Variants in LAMA2 observed in about 807,000 individuals in gnomAD.
LAMA2 encodes the protein laminin subunit alpha 2, also known as laminin subunit alpha-2.
LAMA2 carries 269 observed loss-of-function variants against 364.8 expected under a neutral mutation model. The ratio of observed to expected loss-of-function variants is 0.74; its 90% CI spans 0.67 to 0.82. The LOEUF (loss-of-function observed/expected upper bound fraction) is 0.82, where lower values mean the gene tolerates loss of function less well. Among genes scored for constraint, LAMA2 ranks in the 40% least tolerant of loss-of-function variants. LAMA2 has a pLI of 0.00. For synonymous variants in LAMA2, 1,379 were observed against 1,370.6 expected (o/e 1.01, Z -0.14); for missense variants, 3,807 against 3,873.2 (o/e 0.98, Z 0.45).
chr6:128,971,832 C>T (rs185579207), intron 1 of LAMA2, among the ~76,000 whole-genome samples: 22 of 152,210 alleles, frequency 1.4e-4, no homozygotes, highest in African/African-American at 4.3e-4. Context: ...TGTCAGTTAT[C>T]GGCTACAAGT....
intron 32 of LAMA2, among the ~76,000 whole-genome samples, chr6:129,364,500 G>A (rs1363648922): frequency 2.6e-5 from 4 of 152,042 alleles, no homozygotes; most frequent in East Asian, 1.9e-4. Flanking sequence ...CTGCTCCTTG[G>A]CGTGCAGATA....
chr6:129,412,753 AC>A (rs769430468), intron 40 of LAMA2, among the ~76,000 whole-genome samples: 1 of 152,306 alleles, frequency 6.6e-6, no homozygotes, highest in East Asian at 1.9e-4. Context: ...TTGTAGTGAC[AC>A]CATACAGTGT....
intron 4 of LAMA2, among the ~76,000 whole-genome samples, chr6:129,130,125 G>T (rs762659305): frequency 6.6e-6 from 1 of 152,062 alleles, no homozygotes; most frequent in Non-Finnish European, 1.5e-5. Context: ...AAAGAAGGTG[G>T]ATTATCAGGA....
chr6:129,267,193 T>C lies in LAMA2; in HGVS notation c.2296T>C (p.Cys766Arg), dbSNP rs1787583332. Residue 766 changes from cysteine to arginine, a missense_variant, in exon 16 of 65, where the codon TGT (cysteine) becomes CGT (arginine). Around this residue, in one of 3 missense-constraint regions of LAMA2, gnomAD observed 3,333 missense variants for 3,345.7 expected, o/e 1.00. Transcript: ENST00000421865. ...PCQCFGHAES[C>R]DDVTGECLNC... ...TCAGTGCTTTGGTCATGCGGAGTCC[T>C]GTGATGACGTCACTGGAGAATGCCT... The C allele has an allele frequency of 1.9e-6, 3 of 1,611,224 alleles. No individual in the cohort carries two copies. The highest frequency in any genetic ancestry group is 2.5e-6 in the Non-Finnish European group (3 of 1,177,502).
At chr6:129,246,499 C>T (rs907252798) in intron 12 of LAMA2, among the ~76,000 whole-genome samples, 1 of 152,188 alleles carries the variant, frequency 6.6e-6, no homozygotes, top group Non-Finnish European at 1.5e-5. Context: ...GGCACCTCTA[C>T]ACACAGTTTG....
chr6:129,208,558 AAGAAAG>A (rs59500958), intron 12 of LAMA2, among the ~76,000 whole-genome samples: 37,495 of 142,350 alleles, frequency 0.26, 6,027 homozygotes, highest in African/African-American at 0.48. Flanking sequence ...AAGAGAAAGA[AAGAAAG>A]AGAAAGAAAG....
intron 47 of LAMA2, among the ~76,000 whole-genome samples, chr6:129,455,911 A>G (rs1215556829): frequency 2.0e-5 from 3 of 152,188 alleles, no homozygotes; most frequent in Non-Finnish European, 4.4e-5. Context: ...GGGGTCCACT[A>G]GCTGAATTAA....
chr6:129,215,722 T>C (rs1783386523), intron 12 of LAMA2, among the ~76,000 whole-genome samples: 1 of 152,146 alleles, frequency 6.6e-6, no homozygotes, highest in Non-Finnish European at 1.5e-5. Flanking sequence ...ATGGAGAGTG[T>C]AAATACTACT....
At chr6:129,185,591 T>G (rs1225198347) in intron 10 of LAMA2, among the ~76,000 whole-genome samples, 1 of 151,794 alleles carries the variant, frequency 6.6e-6, no homozygotes, top group Non-Finnish European at 1.5e-5. Flanking sequence ...AGGCAAACAT[T>G]CACATGGTGC....
chr6:129,475,034 G>A (rs1478170433), intron 52 of LAMA2, among the ~76,000 whole-genome samples: 6 of 152,130 alleles, frequency 3.9e-5, no homozygotes, highest in Admixed American at 3.3e-4. Flanking sequence ...AGCTCAAGCT[G>A]TTTGAGAGGC....
intron 1 of LAMA2, among the ~76,000 whole-genome samples, chr6:128,989,225 T>A (rs992293126): frequency 2.0e-5 from 3 of 152,158 alleles, no homozygotes; most frequent in African/African-American, 7.2e-5. Context: ...ATGAGAAACA[T>A]TTGTTCTTAG....
chr6:129,018,259 A>T (rs1785199391), intron 1 of LAMA2, among the ~76,000 whole-genome samples: 1 of 152,130 alleles, frequency 6.6e-6, no homozygotes, highest in African/African-American at 2.4e-5. Context: ...AAAATAGAGG[A>T]CATGATGATC....
chr6:129,123,078 G>A (rs760136281), intron 4 of LAMA2, among the ~76,000 whole-genome samples: 4 of 152,028 alleles, frequency 2.6e-5, no homozygotes, highest in Non-Finnish European at 5.9e-5. Context: ...GAGGCAGGCA[G>A]AGCATTTTGA....
intron 8 of LAMA2, chr6:129,158,196 G>A (rs755168448): frequency 2.1e-5 from 34 of 1,613,466 alleles, no homozygotes; most frequent in Non-Finnish European, 2.6e-5. Flanking sequence ...ATGGTAATCA[G>A]TAATCAAATA....
intron 1 of LAMA2, among the ~76,000 whole-genome samples, chr6:129,012,504 A>G (rs1784825740): frequency 6.6e-6 from 1 of 152,200 alleles, no homozygotes; most frequent in Admixed American, 6.5e-5. Flanking sequence ...TTGGATATTT[A>G]GAATAATTTT....
chr6:129,295,359 A>G (rs1001381622), intron 20 of LAMA2, among the ~76,000 whole-genome samples: 1 of 152,192 alleles, frequency 6.6e-6, no homozygotes, highest in African/African-American at 2.4e-5. Context: ...AGACACATTT[A>G]TGGGAACCTA....
At chr6:129,110,624 G>T (rs1776104643) in intron 4 of LAMA2, among the ~76,000 whole-genome samples, 1 of 152,086 alleles carries the variant, frequency 6.6e-6, no homozygotes, top group Admixed American at 6.6e-5. Flanking sequence ...CCTTGGAGAT[G>T]CTTCAAGCCA....
rs563768247 is a variant in LAMA2, at chr6:129,080,011, T to A, written c.397-18162T>A. Among the ~76,000 whole-genome samples, 186 of 152,258 alleles carry A rather than the reference T, an allele frequency of 1.2e-3. 1 individual carries two copies. The highest frequency in any genetic ancestry group is 4.1e-3 in the African/African-American group (170 of 41,582). The stretch of plus-strand genomic sequence containing the variant: ...TATTATTTGTATAAATTATAGTTTT[T>A]ATAATTTAAATGTAACATATGAATA... On this transcript the variant is annotated intron_variant, in intron 3 of 64. Coordinates refer to ENST00000421865, the MANE Select transcript of LAMA2 (RefSeq NM_000426.4).
At chr6:128,961,544 G>T (rs1781524765) in intron 1 of LAMA2, among the ~76,000 whole-genome samples, 1 of 149,878 alleles carries the variant, frequency 6.7e-6, no homozygotes, top group Admixed American at 6.7e-5. Flanking sequence ...CTTGGAGTCT[G>T]ATGTTTGAGG....
Sources: gnomAD v4.1 joint callset for allele counts (sites outside exome capture counted in the v4.1 genomes callset) on GRCh38, gnomAD v4.1.1 for gene constraint, gnomAD v4.1.1 regional missense constraint, MANE v1.5 for transcripts, NCBI Gene and HGNC (gene_info 2026-07-23, HGNC 2026-07-21) for gene names.